Variants in BANP observed in about 807,000 individuals in gnomAD.
BANP encodes the protein protein BANP.
In BANP, 11 loss-of-function variants were observed where a neutral mutation model predicts 68.1. The observed-to-expected ratio is 0.16, with a 90% confidence interval of 0.10 to 0.27. The LOEUF is 0.27. Ranked by LOEUF, BANP falls within the 10% of genes least tolerant of loss-of-function variation. The pLI is 1.00. For missense variants in BANP, 504 were observed against 722.7 expected (o/e 0.70, Z 3.47); for synonymous variants, 329 against 303.2 (o/e 1.09, Z -0.88).
intron 11 of BANP, among the ~76,000 whole-genome samples, chr16:88,056,409 AG>A (rs1471952468): frequency 6.6e-6 from 1 of 151,732 alleles, no homozygotes; most frequent in African/African-American, 2.4e-5. Context: ...AAGTCAGGCA[AG>A]GGCCCAGGAC....
In BANP at chr16:88,003,852, C is replaced by T. The variant is rs545247448; in HGVS notation, c.363-443C>T. The T allele has an allele frequency of 5.8e-4, 172 of 294,648 alleles. 3 individuals are homozygous for T. Among genetic ancestry groups the T allele is most frequent in the South Asian group, 5.2e-3 (167 of 32,002 alleles). 18.3% of individuals were successfully genotyped at this position (294,648 alleles called of 1,614,324 possible). On this transcript the variant is annotated intron_variant, in intron 4 of 13. Transcript: ENST00000682872. The surrounding 1 kb of genome is among the most constrained non-coding windows in gnomAD (Gnocchi z 6.1). ...AATGATACCAACACTTACGTGGTTA[C>T]GAACGTTAGATCTGTCCCATAGGAA...
chr16:88,020,746 C>T (rs559105725), intron 7 of BANP, among the ~76,000 whole-genome samples: 2 of 152,304 alleles, frequency 1.3e-5, no homozygotes, highest in South Asian at 4.1e-4. Flanking sequence ...AGACAGGGGC[C>T]TTGGATGTGA....
chr16:88,039,352 C>T lies in BANP; in HGVS notation c.1311+1341C>T, dbSNP rs945476529. 2.5e-4 allele frequency among the ~76,000 whole-genome samples: 36 copies of T among 143,276 alleles called. 4 individuals carry two copies. The highest frequency in any genetic ancestry group is 4.7e-4 in the Non-Finnish European group (30 of 63,226). The allele number at this position is 143,276 out of a possible 152,430, so 94.0% of individuals were successfully genotyped here. On this transcript the variant is annotated intron_variant, in intron 11 of 13. Coordinates refer to ENST00000682872, the MANE Select transcript of BANP (RefSeq NM_001386991.1). ...CGGCGCAGTGCAGGTCAGTTCTCCGCGCCTTTGTCCCGTGGTTCTCACGGT... is the reference window on the plus strand; with the variant it reads ...CGGCGCAGTGCAGGTCAGTTCTCCGTGCCTTTGTCCCGTGGTTCTCACGGT...
At chr16:88,016,076 C>T (rs1330578460) in intron 6 of BANP, among the ~76,000 whole-genome samples, 1 of 152,248 alleles carries the variant, frequency 6.6e-6, no homozygotes, top group Non-Finnish European at 1.5e-5. Context: ...CTGCCCCTTG[C>T]CCAGGCCCCA....
chr16:88,011,374 G>A (rs8053309), intron 6 of BANP, among the ~76,000 whole-genome samples: 27,734 of 152,018 alleles, frequency 0.18, 3,169 homozygotes, highest in South Asian at 0.26. Flanking sequence ...TGCTAGAGGC[G>A]CTCAGCTCTC....
intron 10 of BANP, among the ~76,000 whole-genome samples, chr16:88,035,689 T>A (rs570235656): frequency 6.6e-6 from 1 of 152,338 alleles, no homozygotes; most frequent in East Asian, 1.9e-4. Context: ...CTTCTCTCCC[T>A]GTCTGGCCCT....
intron 13 of BANP, among the ~76,000 whole-genome samples, chr16:88,076,080 C>T (rs947386223): frequency 1.8e-4 from 28 of 152,206 alleles, no homozygotes; most frequent in African/African-American, 6.5e-4. Flanking sequence ...GCTGTGATTT[C>T]GTACTTGAAG....
At chr16:87,980,356 A>G (rs1325226705) in intron 2 of BANP, among the ~76,000 whole-genome samples, 2 of 152,184 alleles carry the variant, frequency 1.3e-5, no homozygotes, top group African/African-American at 2.4e-5. Context: ...TTTTGAGGTT[A>G]TCTTTGACGT....
rs114022361 is a variant in BANP, at chr16:88,015,912, C to T, written c.656-2516C>T. 7.9e-3 allele frequency among the ~76,000 whole-genome samples: 1,209 copies of T among 152,368 alleles called. 14 individuals carry two copies. Among genetic ancestry groups the T allele is most frequent in the African/African-American group, 0.027 (1,105 of 41,594 alleles). On this transcript the variant is annotated intron_variant, in intron 6 of 13. Transcript: ENST00000682872. ...GGATCGAGGCTGTTTCCCGCGGCCCCGGTTCACATTGGATGGCATCTGATG... is the reference window on the plus strand; with the variant it reads ...GGATCGAGGCTGTTTCCCGCGGCCCTGGTTCACATTGGATGGCATCTGATG...
At chr16:88,041,831 G>T (rs1175319043) in intron 11 of BANP, among the ~76,000 whole-genome samples, 1 of 152,262 alleles carries the variant, frequency 6.6e-6, no homozygotes, top group East Asian at 1.9e-4. Flanking sequence ...GCAGGTGAGT[G>T]TGAGCCTGCA....
In BANP at chr16:88,071,886, G is replaced by T. The variant is rs995471243; in HGVS notation, c.1378-183G>T. 2 of 794,358 alleles carry T rather than the reference G, an allele frequency of 2.5e-6. No homozygotes were observed. Among genetic ancestry groups the T allele is most frequent in the Admixed American group, 2.0e-5 (1 of 49,592 alleles). 49.2% of individuals were successfully genotyped at this position (794,358 alleles called of 1,614,324 possible). A position where few individuals can be genotyped will look rare whatever the true frequency, so the allele number is the denominator to read the frequency against. Reference sequence around the variant, plus strand: ...GGCACTCTCTCACTGGATCTGATGCGACTTGAGAGCGATGGGGAGACAGGA... The same window carrying T: ...GGCACTCTCTCACTGGATCTGATGCTACTTGAGAGCGATGGGGAGACAGGA... On this transcript the variant is annotated intron_variant, in intron 12 of 13. Transcript: ENST00000682872. The surrounding 1 kb of genome is among the most constrained non-coding windows in gnomAD (Gnocchi z 6.5).
chr16:88,028,589 G>A (rs1323435085), intron 8 of BANP, among the ~76,000 whole-genome samples: 1 of 152,224 alleles, frequency 6.6e-6, no homozygotes, highest in African/African-American at 2.4e-5. Flanking sequence ...AGTGACCTGT[G>A]TTGAAGAAGC....
chr16:87,958,155 TGG>T (rs2058462914), intron 1 of BANP, among the ~76,000 whole-genome samples: 6 of 151,762 alleles, frequency 4.0e-5, no homozygotes, highest in Non-Finnish European at 8.8e-5. Flanking sequence ...TCATGTTAGG[TGG>T]TGGTCCTTGG....
At chr16:87,967,979 C>G (rs1306835975) in intron 1 of BANP, among the ~76,000 whole-genome samples, 2 of 148,196 alleles carry the variant, frequency 1.3e-5, no homozygotes, top group Non-Finnish European at 3.0e-5. Context: ...GTCTCGAACT[C>G]CCGACCTCAG....
intron 7 of BANP, among the ~76,000 whole-genome samples, chr16:88,019,189 C>A (rs969292826): frequency 6.6e-6 from 1 of 152,286 alleles, no homozygotes; most frequent in South Asian, 2.1e-4. Flanking sequence ...CGGCCTGTGA[C>A]GTCTCCGTCC....
intron 1 of BANP, 114 bp downstream of exon 1, chr16:87,951,629 C>T (rs910001847): frequency 6.7e-6 from 1 of 149,044 alleles, no homozygotes; most frequent in Non-Finnish European, 1.5e-5. Flanking sequence ...CCGCCCGCGC[C>T]GCAGCCCCGC....
rs575818675 is a variant in BANP at position 88,071,434 on chromosome 16, C to A, written c.1378-635C>A. On this transcript the variant is annotated intron_variant, in intron 12 of 13. Coordinates refer to ENST00000682872, the MANE Select transcript of BANP (RefSeq NM_001386991.1). This position sits in a 1 kb window ranked among gnomAD's most constrained non-coding sequence, Gnocchi z 6.5. ...CCACCCAGGGGCCTCGCCTGTCCCC[C>A]ATTCTCATTCCATACTCTGGGAGGC... is the stretch of plus-strand genomic sequence containing the variant. 116 of 456,040 alleles carry A rather than the reference C, an allele frequency of 2.5e-4. No homozygotes were observed. The highest frequency in any genetic ancestry group is 2.2e-3 in the African/African-American group (108 of 50,204). The allele number at this position is 456,040 out of a possible 1,614,324, so 28.2% of individuals were successfully genotyped here.
At chr16:87,974,807 G>A (rs1567629216) in intron 1 of BANP, among the ~76,000 whole-genome samples, 1 of 152,272 alleles carries the variant, frequency 6.6e-6, no homozygotes, top group Non-Finnish European at 1.5e-5. Context: ...CAGTGGAAAC[G>A]GAGAGGCCCC....
At chr16:87,985,586 T>G (rs190901044) in intron 4 of BANP, among the ~76,000 whole-genome samples, 36 of 151,982 alleles carry the variant, frequency 2.4e-4, no homozygotes, top group Non-Finnish European at 4.7e-4. Flanking sequence ...AAAAAGAAAA[T>G]GTAATTTATA....
Sources: allele counts gnomAD v4.1 joint callset (sites outside exome capture counted in the v4.1 genomes callset), GRCh38; gene constraint gnomAD v4.1.1; non-coding constraint Gnocchi (gnomAD v3.1); transcripts MANE v1.5; gene names NCBI Gene and HGNC (gene_info 2026-07-23, HGNC 2026-07-21).